Variants in MUC17 observed in about 807,000 individuals in gnomAD.
MUC17 encodes mucin 17, cell surface associated.
A neutral mutation model predicts 170.3 loss-of-function variants in MUC17; 190 were observed. That is an observed-to-expected ratio of 1.12 (90% CI 0.99 to 1.26). The LOEUF is 1.26. Ranked by LOEUF, MUC17 falls within the 50% of genes most tolerant of loss-of-function variation. MUC17 has a pLI of 0.00. For missense variants in MUC17, 6,415 were observed against 5,530.0 expected, an observed-to-expected ratio of 1.16 and a Z score of -5.08; for synonymous variants, 2,325 against 2,002.5, an observed-to-expected ratio of 1.16 and a Z score of -4.30.
rs1169005057 is a variant in MUC17 at position 101,053,303 on chromosome 7, A to G, written c.13266-36A>G. On this transcript the variant is annotated intron_variant, in intron 10 of 12. Coordinates refer to ENST00000306151, the MANE Select transcript of MUC17 (RefSeq NM_001040105.2). Reference sequence around the variant, plus strand: ...CCCTGGTCCTTATTCCTGTTCCCCAATCCTAATGGGGTCTCTCTGATGTTT... The same window carrying G: ...CCCTGGTCCTTATTCCTGTTCCCCAGTCCTAATGGGGTCTCTCTGATGTTT... 8 of 1,594,698 alleles carry G rather than the reference A, an allele frequency of 5.0e-6. No individual in the cohort carries two copies. The Admixed American group carries it at 1.0e-4, about 20-fold the overall frequency.
rs1291013167 is a variant in MUC17 at position 101,042,014 on chromosome 7, A to G, written c.10598A>G (p.Glu3533Gly). Residue 3533 changes from glutamate (E) to glycine (G), a missense_variant, in exon 3 of 13, where the codon GAG (glutamate) becomes GGG (glycine). Coordinates refer to ENST00000306151, the MANE Select transcript of MUC17 (RefSeq NM_001040105.2). The part of the protein sequence containing the change: ...PVSTTPVASS[E>G]ASTLSTTPVD... ...AGCACCACACCGGTGGCCAGTTCTG[A>G]GGCTAGCACCCTTTCAACAACTCCT... The G allele has an allele frequency of 6.2e-7, 1 of 1,613,842 alleles. No individual in the cohort carries two copies. Among genetic ancestry groups the G allele is most frequent in the Non-Finnish European group, 8.5e-7 (1 of 1,179,836 alleles).
Position 101,035,563 on chromosome 7 carries a change from G to A in MUC17, c.4147G>A (p.Gly1383Ser), listed in dbSNP as rs776799260. The change falls in exon 3 of 13, where the codon GGT becomes AGT. Residue 1383 changes from glycine (G) to serine (S), a missense_variant. Physicochemically the swap from Gly to Ser is moderately conservative, Grantham distance 56 (BLOSUM62 0). Coordinates refer to ENST00000306151, the MANE Select transcript of MUC17 (RefSeq NM_001040105.2). The stretch of plus-strand genomic sequence containing the variant: ...CTGTTCATCTCCTACAACTTCTGAA[G>A]GTACCAGCATGCCAAACTCAAATCC... ...EACSSPTTSE[G>S]TSMPNSNPSE... The A allele has an allele frequency of 1.9e-6, 3 of 1,602,398 alleles. No individual in the cohort carries two copies. In the South Asian group the frequency reaches 3.3e-5, roughly 18 times the overall value.
chr7:101,036,670 A>T lies in MUC17; in HGVS notation c.5254A>T (p.Thr1752Ser). Residue 1752 changes from threonine to serine, a missense_variant, in exon 3 of 13, where the codon ACA becomes TCA. Thr to Ser is a moderately conservative substitution (Grantham distance 58, BLOSUM62 1). Coordinates refer to ENST00000306151, the MANE Select transcript of MUC17 (RefSeq NM_001040105.2). ...STPSEGTTPL[T>S]SIPVSTTPVL... ...TCCTAGTGAAGGAACCACTCCATTA[A>T]CAAGTATACCTGTCAGCACCACGCC... 6.2e-7 allele frequency: 1 copy of T among 1,612,958 alleles called. No individual in the cohort carries two copies. The highest frequency in any genetic ancestry group is 8.5e-7 in the Non-Finnish European group (1 of 1,179,704).
rs546003119 is a variant in MUC17 at position 101,036,700 on chromosome 7, C to G, written c.5284C>G (p.Leu1762Val). 5.0e-5 allele frequency: 80 copies of G among 1,606,426 alleles called. 1 individual carries two copies. In the East Asian group the frequency reaches 7.0e-4, roughly 14 times the overall value. Residue 1762 changes from leucine to valine, a missense_variant, in exon 3 of 13, where the codon CTC becomes GTC. Physicochemically the swap from Leu to Val is conservative, Grantham distance 32. Coordinates refer to ENST00000306151, the MANE Select transcript of MUC17 (RefSeq NM_001040105.2). ...TATACCTGTCAGCACCACGCCGGTA[C>G]TCAGTTCTGAGGCTAGCACCCTTTC... ...TSIPVSTTPV[L>V]SSEASTLSAT...
rs1182351124 is a variant in MUC17, at chr7:101,041,914, A to G, written c.10498A>G (p.Thr3500Ala). 1 of 1,612,044 alleles carries G rather than the reference A, an allele frequency of 6.2e-7. No individual in the cohort carries two copies. Among genetic ancestry groups the G allele is most frequent in the East Asian group, 2.2e-5 (1 of 44,758 alleles). ...TTSSPTNSSP[T>A]TAEVTSMPTS... ...TTCTTCTCCAACCAATTCATCTCCT[A>G]CAACTGCTGAAGTTACCAGCATGCC... Residue 3500 changes from threonine to alanine, a missense_variant, in exon 3 of 13, where the codon ACA (threonine) becomes GCA (alanine). Transcript: ENST00000306151.
intron 1 of MUC17, among the ~76,000 whole-genome samples, chr7:101,029,841 C>T (rs1411763078): frequency 1.4e-4 from 21 of 152,164 alleles, no homozygotes; most frequent in East Asian, 5.8e-4. Context: ...TCAGGTAATA[C>T]GCCTGGCTCG....
At chr7:101,028,327 G>A (rs1208231111) in intron 1 of MUC17, among the ~76,000 whole-genome samples, 1 of 151,814 alleles carries the variant, frequency 6.6e-6, no homozygotes, top group Non-Finnish European at 1.5e-5. Flanking sequence ...CTGACCTTGT[G>A]ATCTGCCCGC....
intron 12 of MUC17, among the ~76,000 whole-genome samples, chr7:101,057,750 T>G (rs1795072866): frequency 6.6e-6 from 1 of 152,102 alleles, no homozygotes; most frequent in Non-Finnish European, 1.5e-5. Context: ...TGTGGTTGTG[T>G]GCACATGTAG....
At chr7:101,048,721 A>T in intron 4 of MUC17, 124 bp from the exon 5 acceptor site, 1 of 994,304 alleles carries the variant, frequency 1.0e-6, no homozygotes, top group Non-Finnish European at 1.5e-6. Flanking sequence ...TATTTTGGAT[A>T]CAAATTTGGC....
intron 1 of MUC17, among the ~76,000 whole-genome samples, chr7:101,022,945 G>C (rs1794120744): frequency 2.0e-5 from 3 of 152,146 alleles, no homozygotes; most frequent in African/African-American, 7.2e-5. Flanking sequence ...GCTCCCTGGG[G>C]CTGTCATTAT....
At chr7:101,050,400 CAG>C in intron 6 of MUC17, 82 bp from the exon 7 acceptor site, 1 of 1,538,652 alleles carries the variant, frequency 6.5e-7, no homozygotes, top group Non-Finnish European at 8.8e-7. Context: ...CCCTTGGGAT[CAG>C]AGAGGGTGAA....
rs746257827 is a variant in MUC17, at chr7:101,033,699, T to C, written c.2283T>C (p.Ser761=). Residue 761 remains serine, a synonymous_variant, in exon 3 of 13, where the codon AGT becomes AGC. Coordinates refer to ENST00000306151, the MANE Select transcript of MUC17 (RefSeq NM_001040105.2). ...CTGTCAGCAAAACGCTGTTGACCAG[T>C]TCTGAGGCTAGCACCCTTTCAACAA... ...SMPVSKTLLT[S]SEASTLSTTP... The C allele has an allele frequency of 1.9e-6, 3 of 1,613,642 alleles. No individual in the cohort carries two copies. The highest frequency in any genetic ancestry group is 2.5e-6 in the Non-Finnish European group (3 of 1,179,686).
At chr7:101,044,982 A>G (rs1375671393) in intron 3 of MUC17, among the ~76,000 whole-genome samples, 1 of 152,078 alleles carries the variant, frequency 6.6e-6, no homozygotes, top group Non-Finnish European at 1.5e-5. Context: ...TGCTGTCCTT[A>G]TGTATCCCCT....
chr7:101,053,043 G>A lies in MUC17; in HGVS notation c.13161G>A (p.Gln4387=), dbSNP rs753906451. ...GGGAGACCTGTAACCAGGGCACCCA[G>A]AAGAGTCTGGTGTACGGCCTCGTGG... ...YSGETCNQGT[Q]KSLVYGLVGA... is the part of the protein sequence containing the mutation. The change falls in exon 10 of 13, where the codon CAG becomes CAA. Residue 4387 remains glutamine (Q), a synonymous_variant. Transcript: ENST00000306151. 1.9e-6 allele frequency: 3 copies of A among 1,614,062 alleles called. No individual in the cohort carries two copies. The highest frequency in any genetic ancestry group is 2.5e-6 in the Non-Finnish European group (3 of 1,180,040).
chr7:101,041,179 A>G lies in MUC17; in HGVS notation c.9763A>G (p.Thr3255Ala). 1.2e-6 allele frequency: 2 copies of G among 1,612,514 alleles called. No individual in the cohort carries two copies. The highest frequency in any genetic ancestry group is 1.7e-6 in the Non-Finnish European group (2 of 1,179,622). ...TPVDSNTPLT[T>A]STEASSSPPT... ...TGTTGACTCCAACACTCCTTTGACC[A>G]CTTCTACTGAAGCCAGTTCATCTCC... is the stretch of plus-strand genomic sequence containing the variant. The change falls in exon 3 of 13, where the codon ACT becomes GCT. Residue 3255 changes from threonine to alanine, a missense_variant. By Grantham distance (58) the Thr-to-Ala change is moderately conservative. Transcript: ENST00000306151.
At chr7:101,048,190 C>T in intron 4 of MUC17, 75 bp downstream of exon 4, 2 of 1,409,518 alleles carry the variant, frequency 1.4e-6, no homozygotes, top group African/African-American at 1.5e-5. Context: ...GTTCCTGCCC[C>T]ACCTTGATGT....
At chr7:101,027,365 C>T (rs1235956385) in intron 1 of MUC17, among the ~76,000 whole-genome samples, 1 of 151,900 alleles carries the variant, frequency 6.6e-6, no homozygotes, top group African/African-American at 2.4e-5. Context: ...CTCCTGGTCT[C>T]AAGTGATCCA....
intron 11 of MUC17, among the ~76,000 whole-genome samples, chr7:101,055,081 C>T (rs1478818395): frequency 6.6e-6 from 1 of 151,860 alleles, no homozygotes; most frequent in Non-Finnish European, 1.5e-5. Context: ...ACACTCCAGC[C>T]TGGGCAACAG....
Position 101,030,894 on chromosome 7 carries a change from C to A in MUC17, c.83-226C>A, listed in dbSNP as rs191374957. On this transcript the variant is annotated intron_variant, in intron 1 of 12. Transcript: ENST00000306151. ...GAACTACGGGCACATGCCACCTGCA[C>A]AATTTGACATTGCTGGACCTCCTCC... 2.9e-3 allele frequency among the ~76,000 whole-genome samples: 437 copies of A among 152,360 alleles called. 4 individuals carry two copies. The highest frequency in any genetic ancestry group is 0.01 in the African/African-American group (422 of 41,586).
Sources: gnomAD v4.1 joint callset for allele counts (sites outside exome capture counted in the v4.1 genomes callset) on GRCh38, gnomAD v4.1.1 for gene constraint, MANE v1.5 for transcripts, NCBI Gene and HGNC (gene_info 2026-07-23, HGNC 2026-07-21) for gene names.